Variants in EIF4G3 observed in about 807,000 individuals in gnomAD.
EIF4G3 encodes eukaryotic translation initiation factor 4 gamma 3, also known as eIF-4-gamma 3.
In EIF4G3, 34 loss-of-function variants were observed where a neutral mutation model predicts 186.4. The observed-to-expected ratio is 0.18, with a 90% CI of 0.14 to 0.24. EIF4G3 has a LOEUF of 0.24. Ranked by LOEUF, EIF4G3 falls within the 10% of genes least tolerant of loss-of-function variation. The pLI is 1.00. For missense variants in EIF4G3, 1,536 were observed against 1,948.5 expected, an observed-to-expected ratio of 0.79 and a Z score of 3.99; for synonymous variants, 673 against 679.5, an observed-to-expected ratio of 0.99 and a Z score of 0.15.
chr1:21,065,159 A>C (rs2095170319), intron 3 of EIF4G3, among the ~76,000 whole-genome samples: 2 of 152,326 alleles, frequency 1.3e-5, no homozygotes, highest in South Asian at 4.1e-4. Context: ...CTCAGATTTT[A>C]GTATTCAACT....
chr1:21,159,046 T>G (rs2097712480), intron 2 of EIF4G3, among the ~76,000 whole-genome samples: 3 of 151,790 alleles, frequency 2.0e-5, no homozygotes, highest in African/African-American at 7.3e-5. Flanking sequence ...TTATCTGCAA[T>G]ATAAGAAGGA....
intron 4 of EIF4G3, among the ~76,000 whole-genome samples, chr1:21,017,925 C>T (rs2154570532): frequency 6.6e-6 from 1 of 152,038 alleles, no homozygotes; most frequent in Middle Eastern, 3.4e-3. Context: ...TGAAGATACA[C>T]AGTGTTGACA....
At chr1:21,105,523 C>G (rs2096601485) in intron 2 of EIF4G3, among the ~76,000 whole-genome samples, 1 of 131,032 alleles carries the variant, frequency 7.6e-6, no homozygotes, top group South Asian at 2.4e-4. Flanking sequence ...ACCCCTGAAC[C>G]TAAAATATGT....
chr1:20,935,252 T>C (rs1194035418), intron 14 of EIF4G3, among the ~76,000 whole-genome samples: 2 of 152,206 alleles, frequency 1.3e-5, no homozygotes, highest in African/African-American at 2.4e-5. Context: ...AGGCTTATTT[T>C]TGTCATCAGC....
rs1557763223 is a variant in EIF4G3, at chr1:20,817,513, C to CTGT, written c.4391_4393dup (p.Asp1464_Ser1465insAsn). On this transcript the variant is annotated inframe_insertion, in exon 34 of 37. Coordinates refer to ENST00000602326, the MANE Select transcript of EIF4G3 (RefSeq NM_001391906.1). Reference sequence around the variant, plus strand: ...TGAAAGTGCTTCAGAGGAACAGGGACTGTCAGACTCTATGAAGTCCAACTT... The same window carrying CTGT: ...TGAAAGTGCTTCAGAGGAACAGGGACTGTTGTCAGACTCTATGAAGTCCAACTT... 2 of 1,602,210 alleles carry CTGT rather than the reference C, an allele frequency of 1.2e-6. No individual in the cohort carries two copies. Among genetic ancestry groups the CTGT allele is most frequent in the Admixed American group, 3.4e-5 (2 of 59,678 alleles).
At chr1:21,037,410 C>T (rs2093295804) in intron 4 of EIF4G3, among the ~76,000 whole-genome samples, 2 of 152,112 alleles carry the variant, frequency 1.3e-5, no homozygotes, top group African/African-American at 2.4e-5. Flanking sequence ...CTGCTTTTAA[C>T]AGTTTGAAAA....
chr1:21,079,206 C>T (rs2100725571), intron 3 of EIF4G3, among the ~76,000 whole-genome samples: 1 of 152,256 alleles, frequency 6.6e-6, no homozygotes, highest in South Asian at 2.1e-4. Context: ...CCAAGCTAAA[C>T]TTTTGTCTCT....
intron 4 of EIF4G3, among the ~76,000 whole-genome samples, chr1:21,009,060 T>C (rs78501005): frequency 5.1e-4 from 78 of 152,334 alleles, no homozygotes; most frequent in African/African-American, 1.8e-3. Context: ...TAAGACTACA[T>C]AGCTATACCA....
In EIF4G3 at chr1:20,948,906, G is replaced by A. The variant is rs1000528926; in HGVS notation, c.823+1097C>T. Among the ~76,000 whole-genome samples the A allele has an allele frequency of 4.0e-5, 6 of 150,008 alleles. No homozygotes were observed. The South Asian group carries it at 6.3e-4, about 16-fold the overall frequency. On this transcript the variant is annotated intron_variant, in intron 13 of 36. Transcript: ENST00000602326. ...TGCCTGTAATCCCAGCTACTCGGGC[G>A]GCTGAGGCAGGAGAATAGCTTGAGC...
At chr1:21,079,040 T>C (rs1420191001) in intron 3 of EIF4G3, among the ~76,000 whole-genome samples, 1 of 152,148 alleles carries the variant, frequency 6.6e-6, no homozygotes, top group Non-Finnish European at 1.5e-5. Context: ...AGTATCAATT[T>C]TTAAAAGCAG....
intron 3 of EIF4G3, among the ~76,000 whole-genome samples, chr1:21,085,459 C>T (rs1286300226): frequency 1.3e-5 from 2 of 152,106 alleles, no homozygotes; most frequent in African/African-American, 2.4e-5. Flanking sequence ...AATTCAGAGG[C>T]GCAATCATGT....
Position 20,941,688 on chromosome 1 carries a change from G to C in EIF4G3, c.1466C>G (p.Pro489Arg), listed in dbSNP as rs779630794. Residue 489 changes from proline to arginine, a missense_variant, in exon 14 of 37, where the codon CCT becomes CGT. Coordinates refer to ENST00000602326, the MANE Select transcript of EIF4G3 (RefSeq NM_001391906.1). ...ASPPHTPVIVPAAATTVSSPS... is the reference protein window; with the variant it reads ...ASPPHTPVIVRAAATTVSSPS... ...AGAACTAACAGTAGTGGCAGCAGCA[G>C]GAACAATGACTGGAGTGTGAGGAGG... 6.2e-7 allele frequency: 1 copy of C among 1,613,296 alleles called. No homozygotes were observed. The highest frequency in any genetic ancestry group is 1.3e-5 in the African/African-American group (1 of 75,004).
chr1:20,905,107 C>T (rs2154557278), intron 14 of EIF4G3, 136 bp from the exon 15 acceptor site: 1 of 616,952 alleles, frequency 1.6e-6, no homozygotes, highest in East Asian at 2.9e-5. Context: ...GTTGGCTGAT[C>T]AAGTGAACAA....
chr1:20,928,551 C>T (rs960958059), intron 14 of EIF4G3, among the ~76,000 whole-genome samples: 3 of 151,996 alleles, frequency 2.0e-5, no homozygotes, highest in Non-Finnish European at 4.4e-5. Context: ...TATAGGCGTG[C>T]ACCACCATGC....
At chr1:20,857,116 TC>T (rs1381472644) in intron 25 of EIF4G3, among the ~76,000 whole-genome samples, 3 of 116,988 alleles carry the variant, frequency 2.6e-5, no homozygotes, top group African/African-American at 9.7e-5. Flanking sequence ...TGAGCCAAGA[TC>T]GTGCCACTGC....
intron 14 of EIF4G3, among the ~76,000 whole-genome samples, chr1:20,930,807 C>G (rs755970036): frequency 3.3e-5 from 5 of 152,196 alleles, no homozygotes; most frequent in Non-Finnish European, 7.3e-5. Flanking sequence ...TTAGAATCAA[C>G]TTCTTCCAAA....
At chr1:21,020,044 T>C (rs150665350) in intron 4 of EIF4G3, among the ~76,000 whole-genome samples, 1 of 152,182 alleles carries the variant, frequency 6.6e-6, no homozygotes, top group African/African-American at 2.4e-5. Flanking sequence ...CTGAAAGGAA[T>C]TGAGGAACCA....
chr1:20,905,046 A>G (rs903638648), intron 14 of EIF4G3, 75 bp from the exon 15 acceptor site: 1 of 1,081,582 alleles, frequency 9.2e-7, no homozygotes, highest in Admixed American at 2.0e-5. Flanking sequence ...AGTGATACCT[A>G]TATTCAAATT....
At chr1:21,060,934 T>C (rs1191651572) in intron 3 of EIF4G3, among the ~76,000 whole-genome samples, 1 of 152,172 alleles carries the variant, frequency 6.6e-6, no homozygotes, top group Non-Finnish European at 1.5e-5. Flanking sequence ...ATTTAACATA[T>C]ATTTATTGAG....
Sources: gnomAD v4.1 joint callset for allele counts (sites outside exome capture counted in the v4.1 genomes callset) on GRCh38, gnomAD v4.1.1 for gene constraint, MANE v1.5 for transcripts, NCBI Gene and HGNC (gene_info 2026-07-23, HGNC 2026-07-21) for gene names.